The following MTREX variants were observed in gnomAD, a reference collection of about 807,000 sequenced individuals.
MTREX encodes the protein Mtr4 exosome RNA helicase, also known as exosome RNA helicase MTR4.
MTREX carries 76 observed loss-of-function variants against 135.4 expected under a neutral mutation model. The ratio of observed to expected loss-of-function variants is 0.56; its 90% CI spans 0.47 to 0.68. The LOEUF is 0.68. MTREX is among the 30% of genes least tolerant of loss of function. MTREX has a pLI of 0.00. For missense variants in MTREX, 920 were observed against 1,262.1 expected, an observed-to-expected ratio of 0.73 and a Z score of 4.11; for synonymous variants, 404 against 401.6, an observed-to-expected ratio of 1.01 and a Z score of -0.07.
intron 22 of MTREX, among the ~76,000 whole-genome samples, chr5:55,408,920 TATTTA>T (rs1455588363): frequency 0.014 from 46 of 3,278 alleles, no homozygotes; most frequent in African/African-American, 0.051. Context: ...ACAATATTTT[TATTTA>T]TTTATTTATT....
chr5:55,384,555 C>T (rs1750448884), intron 18 of MTREX, among the ~76,000 whole-genome samples: 1 of 152,162 alleles, frequency 6.6e-6, no homozygotes, highest in Admixed American at 6.6e-5. Flanking sequence ...TTCTATGGGT[C>T]ATAACTTTCC....
At chr5:55,366,939 A>C (rs1363993943) in intron 16 of MTREX, 64 bp downstream of exon 16, 1 of 1,318,130 alleles carries the variant, frequency 7.6e-7, no homozygotes, top group Non-Finnish European at 1.0e-6. Context: ...AAATGTCTGC[A>C]TTATTGGCTG....
chr5:55,358,567 A>G lies in MTREX; in HGVS notation c.1534-6A>G, dbSNP rs1413165098. ...TAAACTCTGAATTTTAACTATGTTC[A>G]TTCAGATTTCTTCTGGTGAATACAT... On this transcript the variant is annotated splice_polypyrimidine_tract_variant and splice_region_variant and intron_variant, in intron 14 of 26. Coordinates refer to ENST00000230640, the MANE Select transcript of MTREX (RefSeq NM_015360.5). 6.9e-6 allele frequency: 11 copies of G among 1,588,490 alleles called. No individual in the cohort carries two copies. Among genetic ancestry groups the G allele is most frequent in the Non-Finnish European group, 9.4e-6 (11 of 1,173,606 alleles).
intron 16 of MTREX, among the ~76,000 whole-genome samples, chr5:55,369,357 T>G (rs1279916547): frequency 6.6e-6 from 1 of 152,232 alleles, no homozygotes; most frequent in Admixed American, 6.5e-5. Context: ...ATGAGTAGGA[T>G]AATTATACAT....
chr5:55,360,787 C>G (rs1340624285), intron 15 of MTREX, among the ~76,000 whole-genome samples: 1 of 151,958 alleles, frequency 6.6e-6, no homozygotes, highest in East Asian at 1.9e-4. Context: ...GGTTTTTTTC[C>G]AGGTGGTTTT....
intron 16 of MTREX, among the ~76,000 whole-genome samples, chr5:55,376,575 T>A (rs1405543869): frequency 6.6e-6 from 1 of 152,216 alleles, no homozygotes; most frequent in East Asian, 1.9e-4. Flanking sequence ...TTAGATCTTT[T>A]TAGAATTTGC....
At chr5:55,383,452 G>C (rs1750429888) in intron 18 of MTREX, among the ~76,000 whole-genome samples, 1 of 151,990 alleles carries the variant, frequency 6.6e-6, no homozygotes, top group Non-Finnish European at 1.5e-5. Flanking sequence ...TAGGATTCTT[G>C]GTTAACAGTT....
At chr5:55,346,666 T>A (rs1035574398) in intron 10 of MTREX, among the ~76,000 whole-genome samples, 28 of 152,150 alleles carry the variant, frequency 1.8e-4, no homozygotes, top group Non-Finnish European at 5.9e-5. Context: ...TTTTTTATTG[T>A]TGTTGTTGAA....
intron 11 of MTREX, among the ~76,000 whole-genome samples, chr5:55,347,446 C>T (rs1749756548): frequency 6.6e-6 from 1 of 152,150 alleles, no homozygotes; most frequent in East Asian, 1.9e-4. Context: ...TATTGTGGCT[C>T]TCTATTTGAC....
At chr5:55,390,263 C>T (rs932265689) in intron 19 of MTREX, among the ~76,000 whole-genome samples, 5 of 151,942 alleles carry the variant, frequency 3.3e-5, no homozygotes, top group East Asian at 1.9e-4. Flanking sequence ...CCGCCGTGCC[C>T]GGCTAATTTT....
chr5:55,408,265 G>A (rs764469177), intron 22 of MTREX, among the ~76,000 whole-genome samples: 5 of 151,996 alleles, frequency 3.3e-5, no homozygotes, highest in Admixed American at 1.3e-4. Context: ...AAAGAACTTC[G>A]AAACTTGCTC....
At position 55,392,651 on chromosome 5, in the gene MTREX, C is replaced by T. The variant is rs1266295601; in HGVS notation, c.2181+4549C>T. On this transcript the variant is annotated intron_variant, in intron 19 of 26. Coordinates refer to ENST00000230640, the MANE Select transcript of MTREX (RefSeq NM_015360.5). ...AGGCAGTTAACAACATTACCTTAGC[C>T]GCTTCCTGGATGTACAGTTTCATGG... Among the ~76,000 whole-genome samples, 6 of 152,042 alleles carry T rather than the reference C, an allele frequency of 3.9e-5. No homozygotes were observed. The South Asian group carries it at 6.2e-4, about 16-fold the overall frequency.
At chr5:55,315,509 GTTATTA>G (rs1307532192) in intron 1 of MTREX, among the ~76,000 whole-genome samples, 10 of 151,910 alleles carry the variant, frequency 6.6e-5, no homozygotes, top group Admixed American at 1.3e-4. Context: ...AATATTTGTA[GTTATTA>G]TTATTATATA....
intron 1 of MTREX, among the ~76,000 whole-genome samples, chr5:55,315,690 A>G (rs1749187232): frequency 1.3e-5 from 2 of 152,098 alleles, no homozygotes; most frequent in South Asian, 2.1e-4. Flanking sequence ...CCATCAACTA[A>G]GAAGGTGGTT....
intron 2 of MTREX, among the ~76,000 whole-genome samples, chr5:55,323,044 A>G (rs781342825): frequency 3.3e-5 from 5 of 152,218 alleles, no homozygotes; most frequent in Non-Finnish European, 5.9e-5. Flanking sequence ...AATGTTCCAT[A>G]TTTGAACTTG....
chr5:55,424,928 T>C lies in MTREX; in HGVS notation c.*156T>C, dbSNP rs1751127872. 2.2e-5 allele frequency: 14 copies of C among 639,096 alleles called. No homozygotes were observed. The South Asian group carries it at 2.6e-4, about 12-fold the overall frequency. 39.6% of individuals were successfully genotyped at this position (639,096 alleles called of 1,614,324 possible). ...ATTCATAGAAAGCATATTACATACA[T>C]GTTTATACATAAGCATTACATTTTT... On this transcript the variant is annotated 3_prime_UTR_variant, in exon 27 of 27. Transcript: ENST00000230640.
At chr5:55,345,705 C>T (rs1749721867) in intron 10 of MTREX, among the ~76,000 whole-genome samples, 1 of 140,170 alleles carries the variant, frequency 7.1e-6, no homozygotes, top group African/African-American at 2.7e-5. Flanking sequence ...CTCGCTCTGT[C>T]ACCCAGGCTG....
At chr5:55,385,260 A>G (rs923430709) in intron 18 of MTREX, among the ~76,000 whole-genome samples, 1 of 152,098 alleles carries the variant, frequency 6.6e-6, no homozygotes, top group African/African-American at 2.4e-5. Context: ...TGCCTCTCCC[A>G]ACATGGACCC....
intron 23 of MTREX, among the ~76,000 whole-genome samples, chr5:55,411,518 C>T (rs1750883897): frequency 1.3e-5 from 2 of 151,900 alleles, no homozygotes; most frequent in Admixed American, 6.6e-5. Context: ...TCAGTGAAAC[C>T]ACACTTAATT....
Sources: gnomAD v4.1 joint callset for allele counts (sites outside exome capture counted in the v4.1 genomes callset) on GRCh38, gnomAD v4.1.1 for gene constraint, MANE v1.5 for transcripts, NCBI Gene and HGNC (gene_info 2026-07-23, HGNC 2026-07-21) for gene names.